The following CTBP1 variants were observed in gnomAD, a reference collection of about 807,000 sequenced individuals.
CTBP1 encodes C-terminal-binding protein 1.
Under a neutral mutation model 42.1 loss-of-function variants are expected in CTBP1, and 11 were observed. The observed-to-expected ratio is 0.26, with a 90% CI of 0.16 to 0.43. CTBP1 has a LOEUF of 0.43. Among genes scored for constraint, CTBP1 ranks in the 20% least tolerant of loss-of-function variants. The pLI, the probability that CTBP1 is intolerant of heterozygous loss-of-function variation, is 1.00. For synonymous variants in CTBP1, 324 were observed against 277.1 expected (o/e 1.17, Z -1.68); for missense variants, 399 against 624.3 (o/e 0.64, Z 3.85).
chr4:1,211,968 C>A lies in CTBP1; in HGVS notation c.*272G>T. On this transcript the variant is annotated 3_prime_UTR_variant, in exon 10 of 10. Coordinates refer to ENST00000382952, the MANE Select transcript of CTBP1 (RefSeq NM_001012614.2). ...AAGCAAACAGATCCTTTGTAATGTT[C>A]TAAAAACTGTACACAGACAAGAACG... 1 of 318,994 alleles carries A rather than the reference C, an allele frequency of 3.1e-6. No individual in the cohort carries two copies. Among genetic ancestry groups the A allele is most frequent in the Non-Finnish European group, 5.7e-6 (1 of 176,118 alleles). The allele number at this position is 318,994 out of a possible 1,614,324, so 19.8% of individuals were successfully genotyped here.
Position 1,214,493 on chromosome 4 carries a change from G to T in CTBP1, c.730-20C>A. 2 of 1,555,614 alleles carry T rather than the reference G, an allele frequency of 1.3e-6. No individual in the cohort carries two copies. The highest frequency in any genetic ancestry group is 1.7e-6 in the Non-Finnish European group (2 of 1,158,254). On this transcript the variant is annotated intron_variant, in intron 6 of 9. Transcript: ENST00000382952. ...TCTCATCTAGAAGACATAAGGACAG[G>T]CCAGGCCCAGTCAGGGATCCGCACA...
Position 1,238,159 on chromosome 4 carries a change from C to A in CTBP1, c.162+24G>T. ...TCCCCCCAACGTGCGGTTCTGCCAG[C>A]CCCAGGCGACCACGTGGTGGTACCT... On this transcript the variant is annotated intron_variant, in intron 3 of 9. Coordinates refer to ENST00000382952, the MANE Select transcript of CTBP1 (RefSeq NM_001012614.2). The surrounding 1 kb of genome is among the most constrained non-coding windows in gnomAD (Gnocchi z 5.9). The A allele has an allele frequency of 6.2e-7, 1 of 1,612,412 alleles. No homozygotes were observed. Among genetic ancestry groups the A allele is most frequent in the South Asian group, 1.1e-5 (1 of 91,050 alleles).
At chr4:1,244,194 C>A (rs1432228189) in intron 1 of CTBP1, 1 of 985,132 alleles carries the variant, frequency 1.0e-6, no homozygotes, top group Non-Finnish European at 1.2e-6. Flanking sequence ...CGGATCCTCC[C>A]TCCTGTTGGC....
intron 1 of CTBP1, chr4:1,242,765 C>G (rs1732310415): frequency 2.0e-6 from 2 of 985,312 alleles, no homozygotes; most frequent in South Asian, 9.4e-5. Context: ...GCCCTGAATG[C>G]CAGATCTCCC....
At chr4:1,221,048 C>A (rs558350684) in intron 5 of CTBP1, among the ~76,000 whole-genome samples, 1 of 152,186 alleles carries the variant, frequency 6.6e-6, no homozygotes, top group Admixed American at 6.5e-5. Flanking sequence ...CTGAGATATT[C>A]GTAAACAAGA....
chr4:1,241,558 G>T (rs766116838), intron 1 of CTBP1, 39 bp from the exon 2 acceptor site: 1 of 1,537,740 alleles, frequency 6.5e-7, no homozygotes. Context: ...AAATGCCATC[G>T]AAGGTCCGAC....
intron 5 of CTBP1, among the ~76,000 whole-genome samples, chr4:1,224,952 C>T (rs1560247694): frequency 2.6e-5 from 4 of 151,394 alleles, no homozygotes; most frequent in African/African-American, 9.7e-5. Flanking sequence ...GTGAGGCCCA[C>T]ATGTGTGCTC....
At chr4:1,242,478 G>A in intron 1 of CTBP1, 1 of 985,080 alleles carries the variant, frequency 1.0e-6, no homozygotes, top group Non-Finnish European at 1.2e-6. Context: ...TGTGCTGTGA[G>A]GCCGCCCCTG....
At chr4:1,245,266 T>C (rs958792395) in intron 1 of CTBP1, 3 of 985,410 alleles carry the variant, frequency 3.0e-6, no homozygotes, top group African/African-American at 1.7e-5. Flanking sequence ...ATCAAAGGCA[T>C]GGATTTGCCA....
chr4:1,227,748 T>G (rs994953815), intron 4 of CTBP1, among the ~76,000 whole-genome samples: 37 of 152,202 alleles, frequency 2.4e-4, no homozygotes, highest in Middle Eastern at 6.8e-3. Flanking sequence ...TGAGTGTGCG[T>G]GATCCATGTG....
chr4:1,241,317 CT>C lies in CTBP1; in HGVS notation c.7+7del, dbSNP rs1560280142. ...ACTCTGCCGCCGACGCCAGGAACCCCTACCAACCTGACATCTCTTAATATGG... is the reference window on the plus strand; with the variant it reads ...ACTCTGCCGCCGACGCCAGGAACCCCACCAACCTGACATCTCTTAATATGG... On this transcript the variant is annotated splice_region_variant and intron_variant, in intron 2 of 9. Coordinates refer to ENST00000382952, the MANE Select transcript of CTBP1 (RefSeq NM_001012614.2). 1 of 850,132 alleles carries C rather than the reference CT, an allele frequency of 1.2e-6. No homozygotes were observed. Among genetic ancestry groups the C allele is most frequent in the African/African-American group, 1.7e-5 (1 of 60,490 alleles). The allele number at this position is 850,132 out of a possible 1,614,324, so 52.7% of individuals were successfully genotyped here.
intron 5 of CTBP1, chr4:1,216,866 A>G (rs1250092): frequency 0.28 from 44,397 of 156,450 alleles, 7,564 homozygotes; most frequent in Middle Eastern, 0.42. Context: ...GGGTCTGCAG[A>G]GTGCTCGTGC....
At chr4:1,216,263 C>A in intron 5 of CTBP1, 58 bp from the exon 6 acceptor site, 1 of 1,522,660 alleles carries the variant, frequency 6.6e-7, no homozygotes, top group Non-Finnish European at 8.8e-7. Flanking sequence ...GGAGGCCGGC[C>A]CCGAAAGCCA....
At chr4:1,242,336 A>G (rs1732263718) in intron 1 of CTBP1, 1 of 985,202 alleles carries the variant, frequency 1.0e-6, no homozygotes, top group African/African-American at 1.7e-5. Context: ...GCTGACCCCA[A>G]CGTGCAGCTG....
intron 2 of CTBP1, 69 bp downstream of exon 2, chr4:1,241,256 C>T (rs1483949098): frequency 3.8e-6 from 3 of 782,894 alleles, no homozygotes; most frequent in East Asian, 2.4e-5. Context: ...GAGGCAGTGC[C>T]TCCTCCACAC....
At chr4:1,245,021 G>T in intron 1 of CTBP1, 1 of 985,458 alleles carries the variant, frequency 1.0e-6, no homozygotes, top group Non-Finnish European at 1.2e-6. Context: ...GCAGCATGGA[G>T]CCACTGGGCT....
intron 5 of CTBP1, among the ~76,000 whole-genome samples, chr4:1,223,179 C>T (rs1008306640): frequency 2.6e-5 from 4 of 152,098 alleles, no homozygotes; most frequent in African/African-American, 4.8e-5. Context: ...GGCTTCCTGC[C>T]CACCCTCCCT....
rs115317882 is a variant in CTBP1, at chr4:1,212,187, G to A, written c.*53C>T. 2.0e-3 allele frequency: 2,768 copies of A among 1,370,616 alleles called. 45 individuals carry two copies. The African/African-American group carries it at 0.032, about 16-fold the overall frequency. The allele number at this position is 1,370,616 out of a possible 1,614,324, so 84.9% of individuals were successfully genotyped here. On this transcript the variant is annotated 3_prime_UTR_variant, in exon 10 of 10. Transcript: ENST00000382952. ...ATGCCTCCTCCACACACTCTGGTCC[G>A]AGGGTTTCCGGGCCCTCTGCCCAGG...
chr4:1,221,989 G>C (rs1183403356), intron 5 of CTBP1: 1 of 304,732 alleles, frequency 3.3e-6, no homozygotes, highest in East Asian at 1.1e-4. Context: ...CACCAACACC[G>C]TGAGCCACAC....
Sources: allele counts gnomAD v4.1 joint callset (sites outside exome capture counted in the v4.1 genomes callset), GRCh38; gene constraint gnomAD v4.1.1; non-coding constraint Gnocchi (gnomAD v3.1); transcripts MANE v1.5; gene names NCBI Gene and HGNC (gene_info 2026-07-23, HGNC 2026-07-21).